The following TYRO3 variants were observed in gnomAD, a reference collection of about 807,000 sequenced individuals.
TYRO3 encodes the protein TYRO3 protein tyrosine kinase.
TYRO3 carries 38 observed loss-of-function variants against 95.2 expected under a neutral mutation model. That is an observed-to-expected ratio of 0.40 (90% CI 0.31 to 0.52). The LOEUF (loss-of-function observed/expected upper bound fraction) is 0.52. Among genes scored for constraint, TYRO3 ranks in the 20% least tolerant of loss-of-function variants. The pLI, the probability that TYRO3 is intolerant of heterozygous loss-of-function variation, is 0.56. For synonymous variants in TYRO3, 367 were observed against 432.9 expected, an observed-to-expected ratio of 0.85 and a Z score of 1.89; for missense variants, 812 against 1,116.4, an observed-to-expected ratio of 0.73 and a Z score of 3.89.
At chr15:41,572,607 A>C (rs1257827633) in intron 15 of TYRO3, 43 bp downstream of exon 15, 4 of 1,363,792 alleles carry the variant, frequency 2.9e-6, no homozygotes, top group Non-Finnish European at 4.0e-6. Context: ...AACGGGTGGG[A>C]ACACAGGGCC....
In TYRO3 at chr15:41,571,680, A is replaced by T. The variant is rs1288192537; in HGVS notation, c.1746A>T (p.Lys582Asn). Residue 582 changes from lysine (K) to asparagine (N), a missense_variant, in exon 14 of 19, where the codon AAA (lysine) becomes AAT (asparagine). Transcript: ENST00000263798. Reference protein sequence around the residue: ...MKEFDHPHVAKLVGVSLRSRA... With the variant: ...MKEFDHPHVANLVGVSLRSRA... ...AGTTTGACCATCCACACGTGGCCAA[A>T]CTTGTTGGTGAGCCCATTTTTGGGG... 3.7e-6 allele frequency: 6 copies of T among 1,608,240 alleles called. No individual in the cohort carries two copies. The African/African-American group carries it at 5.3e-5, about 14-fold the overall frequency.
chr15:41,561,713 G>A (rs1220022825), intron 3 of TYRO3, 74 bp downstream of exon 3: 6 of 1,165,656 alleles, frequency 5.1e-6, no homozygotes, highest in African/African-American at 1.5e-5. Context: ...CCTCTGCAGC[G>A]GAGAACTCAG....
At chr15:41,566,493 A>G (rs370226625) in intron 6 of TYRO3, among the ~76,000 whole-genome samples, 8 of 152,156 alleles carry the variant, frequency 5.3e-5, no homozygotes, top group African/African-American at 1.9e-4. Flanking sequence ...CTCTTGCCCT[A>G]ATGGTTCTGA....
chr15:41,566,803 A>C (rs2055730235), intron 6 of TYRO3, among the ~76,000 whole-genome samples: 1 of 152,236 alleles, frequency 6.6e-6, no homozygotes, highest in South Asian at 2.1e-4. Context: ...TATTGGTCAA[A>C]ATATTAAGAG....
At position 41,579,155 on chromosome 15, in the gene TYRO3, G is replaced by A. The variant is rs150661235; in HGVS notation, c.*879G>A. ...TGCCAACTTCCCCTCTAACTGGACA[G>A]CCTCTTCTGTCCCAAGTCTCCAGAG... On this transcript the variant is annotated 3_prime_UTR_variant, in exon 19 of 19. Coordinates refer to ENST00000263798, the MANE Select transcript of TYRO3 (RefSeq NM_006293.4). 1.6e-3 allele frequency: 247 copies of A among 152,438 alleles called. 1 individual carries two copies. The highest frequency in any genetic ancestry group is 2.7e-3 in the Non-Finnish European group (181 of 68,156). The allele number at this position is 152,438 out of a possible 1,614,324, so 9.4% of individuals were successfully genotyped here. A position where few individuals can be genotyped will look rare whatever the true frequency, so the allele number is the denominator to read the frequency against.
At position 41,562,647 on chromosome 15, in the gene TYRO3, C is replaced by A. The variant is rs779493208; in HGVS notation, c.509C>A (p.Thr170Asn). The A allele has an allele frequency of 6.2e-7, 1 of 1,614,146 alleles. No homozygotes were observed. The highest frequency in any genetic ancestry group is 8.5e-7 in the Non-Finnish European group (1 of 1,180,040). ...GCTGTGGGTCCCCCTGAACCTGTTA[C>A]CATTGTCTGGTGGAGAGGAACTACG... The part of the protein sequence containing the change: ...CEAVGPPEPV[T>N]IVWWRGTTKI... The change falls in exon 4 of 19, where the codon ACC (threonine) becomes AAC (asparagine). Residue 170 changes from threonine (T) to asparagine (N), a missense_variant. Physicochemically the swap from Thr to Asn is moderately conservative, Grantham distance 65. Coordinates refer to ENST00000263798, the MANE Select transcript of TYRO3 (RefSeq NM_006293.4).
chr15:41,572,600 G>C, intron 15 of TYRO3, 36 bp downstream of exon 15: 1 of 1,613,040 alleles, frequency 6.2e-7, no homozygotes. Context: ...AGGAGGAAAC[G>C]GGTGGGAACA....
Position 41,578,161 on chromosome 15 carries a change from C to T in TYRO3, c.2558C>T (p.Pro853Leu), listed in dbSNP as rs1282188739. The change falls in exon 19 of 19, where the codon CCC becomes CTC. Residue 853 changes from proline to leucine, a missense_variant. Physicochemically the swap from Pro to Leu is moderately conservative, Grantham distance 98. Transcript: ENST00000263798. ...TPSDCRYILT[P>L]GGLAEQPGQA... ...AGTGACTGTCGGTACATACTCACCC[C>T]CGGAGGGCTGGCTGAGCAGCCAGGG... is the stretch of plus-strand genomic sequence containing the variant. 1 of 1,613,832 alleles carries T rather than the reference C, an allele frequency of 6.2e-7. No individual in the cohort carries two copies. The highest frequency in any genetic ancestry group is 8.5e-7 in the Non-Finnish European group (1 of 1,180,044).
chr15:41,573,152 G>A (rs1465843523), intron 16 of TYRO3, 41 bp downstream of exon 16: 3 of 1,306,002 alleles, frequency 2.3e-6, no homozygotes, highest in Non-Finnish European at 3.2e-6. Context: ...GACAGCAGCA[G>A]GTGCCAAGAG....
chr15:41,575,043 G>T (rs2055843834), intron 18 of TYRO3, among the ~76,000 whole-genome samples: 1 of 152,218 alleles, frequency 6.6e-6, no homozygotes, highest in Non-Finnish European at 1.5e-5. Flanking sequence ...TGAGCCCCAG[G>T]GGGAGTGGGA....
rs1346366492 is a variant in TYRO3, at chr15:41,577,950, C to A, written c.2347C>A (p.Arg783=). The A allele has an allele frequency of 1.2e-6, 2 of 1,613,594 alleles. No individual in the cohort carries two copies. Among genetic ancestry groups the A allele is most frequent in the Admixed American group, 1.7e-5 (1 of 60,030 alleles). ...GCAGCGCCCGAGCTTTACTTGTCTG[C>A]GAATGGAACTGGAGAACATCTTGGG... ...PKQRPSFTCL[R]MELENILGQL... is the part of the protein sequence containing the mutation. Residue 783 remains arginine (R), a synonymous_variant, in exon 19 of 19, where the codon CGA becomes AGA. Transcript: ENST00000263798.
At chr15:41,577,446 C>T (rs2055874322) in intron 18 of TYRO3, 1 of 152,834 alleles carries the variant, frequency 6.5e-6, no homozygotes, top group African/African-American at 2.4e-5. Context: ...CTGCCTCAGC[C>T]TCCCAAGTAG....
chr15:41,562,289 G>C (rs1255314333), intron 3 of TYRO3: 2 of 296,288 alleles, frequency 6.8e-6, no homozygotes, highest in African/African-American at 5.0e-5. Context: ...GGAGTTCCAG[G>C]CCAGCCTGGG....
chr15:41,577,988 G>T lies in TYRO3; in HGVS notation c.2385G>T (p.Val795=), dbSNP rs751434909. Residue 795 remains valine (V), a synonymous_variant, in exon 19 of 19, where the codon GTG becomes GTT. Coordinates refer to ENST00000263798, the MANE Select transcript of TYRO3 (RefSeq NM_006293.4). ...ELENILGQLS[V]LSASQDPLYI... ...AGAACATCTTGGGCCAGCTGTCTGT[G>T]CTATCTGCCAGCCAGGACCCCTTAT... 11 of 1,613,966 alleles carry T rather than the reference G, an allele frequency of 6.8e-6. No individual in the cohort carries two copies. In the East Asian group the frequency reaches 2.5e-4, roughly 36 times the overall value.
intron 3 of TYRO3, chr15:41,562,095 GT>G (rs1450770538): frequency 5.5e-6 from 1 of 181,816 alleles, no homozygotes; most frequent in Non-Finnish European, 1.1e-5. Flanking sequence ...ACTCCCCTGA[GT>G]TTTATGCCCC....
rs1196347766 is a variant in TYRO3, at chr15:41,570,327, C to T, written c.1470C>T (p.Arg490=). 1 of 1,614,024 alleles carries T rather than the reference C, an allele frequency of 6.2e-7. No homozygotes were observed. Among genetic ancestry groups the T allele is most frequent in the Non-Finnish European group, 8.5e-7 (1 of 1,179,980 alleles). Residue 490 remains arginine, a synonymous_variant, in exon 11 of 19, where the codon CGC becomes CGT. Transcript: ENST00000263798. ...ARSFNRERPE[R]IEATLDSLGI... ...CCTTCAATCGAGAAAGGCCCGAGCGCATCGAGGCCACATGTGAGTGGTGGG... is the reference window on the plus strand; with the variant it reads ...CCTTCAATCGAGAAAGGCCCGAGCGTATCGAGGCCACATGTGAGTGGTGGG...
chr15:41,570,435 A>G, intron 11 of TYRO3, 95 bp downstream of exon 11: 1 of 1,468,366 alleles, frequency 6.8e-7, no homozygotes, highest in Middle Eastern at 1.7e-4. Flanking sequence ...ATATGTCTGA[A>G]CATCAGTGAG....
intron 8 of TYRO3, 108 bp downstream of exon 8, chr15:41,568,470 C>T (rs117053817): frequency 0.012 from 14,186 of 1,162,486 alleles, 115 homozygotes; most frequent in Non-Finnish European, 0.014. Flanking sequence ...CTGGGTCTCC[C>T]GCAGCCCCAG....
At chr15:41,559,514 C>T (rs900996184) in intron 1 of TYRO3, 133 bp downstream of exon 1, 126 of 286,758 alleles carry the variant, frequency 4.4e-4, no homozygotes, top group African/African-American at 2.7e-3. Flanking sequence ...GGCTCGGAGC[C>T]GGGACAGGGC....
Sources: allele counts gnomAD v4.1 joint callset (sites outside exome capture counted in the v4.1 genomes callset), GRCh38; gene constraint gnomAD v4.1.1; transcripts MANE v1.5; gene names NCBI Gene and HGNC (gene_info 2026-07-23, HGNC 2026-07-21).